MYO18B: variants seen among roughly 807,000 people sequenced by gnomAD.
MYO18B encodes the protein myosin XVIIIB, also known as unconventional myosin-XVIIIb.
MYO18B carries 204 observed loss-of-function variants against 273.0 expected under a neutral mutation model. The observed-to-expected ratio is 0.75, with a 90% CI of 0.67 to 0.84. The LOEUF (loss-of-function observed/expected upper bound fraction) is 0.84. MYO18B is among the 40% of genes least tolerant of loss of function. The pLI is 0.00. For synonymous variants in MYO18B, 1,330 were observed against 1,305.7 expected (o/e 1.02, Z -0.40); for missense variants, 3,212 against 3,287.6 (o/e 0.98, Z 0.56).
intron 40 of MYO18B, among the ~76,000 whole-genome samples, chr22:26,002,925 A>G (rs1284948794): frequency 6.6e-6 from 1 of 152,236 alleles, no homozygotes; most frequent in African/African-American, 2.4e-5. Context: ...GCTTGTTAGC[A>G]ATAACAATGC....
rs1240009213 is a variant in MYO18B at position 25,869,468 on chromosome 22, AAAAAAG to A, written c.3951+1086_3951+1091del. ...GTGTCTCAAAAAAAAAAAAAAAAAA[AAAAAAG>A]AAGGAAGGAAGGAAGGAAGGAGGGA... is the stretch of plus-strand genomic sequence containing the variant. On this transcript the variant is annotated intron_variant, in intron 22 of 43. Coordinates refer to ENST00000335473, the MANE Select transcript of MYO18B (RefSeq NM_032608.7). Among the ~76,000 whole-genome samples the A allele has an allele frequency of 6.4e-3, 946 of 148,292 alleles. 8 individuals carry two copies. Among genetic ancestry groups the A allele is most frequent in the African/African-American group, 0.022 (862 of 39,180 alleles).
chr22:25,982,031 G>A (rs1479439164), intron 39 of MYO18B, among the ~76,000 whole-genome samples: 1 of 152,170 alleles, frequency 6.6e-6, no homozygotes, highest in African/African-American at 2.4e-5. Flanking sequence ...GAAGCAGGCG[G>A]TCCCTACATG....
chr22:25,956,318 C>T (rs765233961), intron 39 of MYO18B, among the ~76,000 whole-genome samples: 1 of 151,484 alleles, frequency 6.6e-6, no homozygotes, highest in Non-Finnish European at 1.5e-5. Context: ...CAGGTTCAAG[C>T]GATTCTCGTG....
chr22:25,931,536 T>C (rs2092500805), intron 34 of MYO18B, among the ~76,000 whole-genome samples: 1 of 152,186 alleles, frequency 6.6e-6, no homozygotes, highest in Admixed American at 6.5e-5. Flanking sequence ...GCAGGAGCCT[T>C]TTCTGTTTTG....
chr22:25,922,835 T>C (rs1258118708), intron 34 of MYO18B, among the ~76,000 whole-genome samples: 1 of 152,232 alleles, frequency 6.6e-6, no homozygotes. Context: ...TCAGTTTCTA[T>C]CTGTAAAACA....
the MYO18B span, among the ~76,000 whole-genome samples, chr22:26,061,291 A>T: frequency 6.6e-6 from 1 of 152,120 alleles, no homozygotes; most frequent in Non-Finnish European, 1.5e-5. Context: ...TTTTAAATCC[A>T]TAGATTTGTT....
At chr22:25,913,986 G>T (rs1207290833) in intron 33 of MYO18B, among the ~76,000 whole-genome samples, 2 of 152,138 alleles carry the variant, frequency 1.3e-5, no homozygotes, top group East Asian at 1.9e-4. Context: ...ACATTTTTAG[G>T]TCTCTAATCC....
At chr22:25,901,484 A>G (rs946838292) in intron 29 of MYO18B, 5 of 152,228 alleles carry the variant, frequency 3.3e-5, no homozygotes, top group African/African-American at 1.2e-4. Flanking sequence ...ACAGAAGGGC[A>G]GGAGGGCCCC....
chr22:25,745,472 G>GACACACACACACACACAC (rs3068433), intron 1 of MYO18B, among the ~76,000 whole-genome samples: 6 of 146,026 alleles, frequency 4.1e-5, no homozygotes, highest in South Asian at 2.2e-4. Context: ...CTCTCTCTCT[G>GACACACACACACACACAC]ACACACACAC....
intron 11 of MYO18B, among the ~76,000 whole-genome samples, chr22:25,787,831 C>G (rs2087468396): frequency 6.6e-6 from 1 of 152,114 alleles, no homozygotes; most frequent in African/African-American, 2.4e-5. Flanking sequence ...GCCCAGACCT[C>G]CACCTTGAAG....
intron 22 of MYO18B, 46 bp from the exon 23 acceptor site, chr22:25,874,240 A>C (rs1313852522): frequency 3.1e-6 from 5 of 1,595,834 alleles, no homozygotes; most frequent in Non-Finnish European, 3.4e-6. Context: ...CATTGTAGAC[A>C]GCCTTCTTCA....
At position 25,806,902 on chromosome 22, in the gene MYO18B, G is replaced by C. The variant is rs546655372; in HGVS notation, c.2521+8805G>C. Reference sequence around the variant, plus strand: ...GTGTCAGTGACTTTTCATCTCGTTGGACCTCAGTTTTCTTGTCTGATAATA... The same window carrying C: ...GTGTCAGTGACTTTTCATCTCGTTGCACCTCAGTTTTCTTGTCTGATAATA... On this transcript the variant is annotated intron_variant, in intron 12 of 43. Coordinates refer to ENST00000335473, the MANE Select transcript of MYO18B (RefSeq NM_032608.7). Among the ~76,000 whole-genome samples, 5 of 152,282 alleles carry C rather than the reference G, an allele frequency of 3.3e-5. No homozygotes were observed. In the South Asian group the frequency reaches 1.0e-3, roughly 32 times the overall value.
chr22:25,904,374 A>G (rs149786898), intron 31 of MYO18B, among the ~76,000 whole-genome samples: 49 of 152,258 alleles, frequency 3.2e-4, no homozygotes, highest in African/African-American at 1.2e-3. Context: ...CACACATCTC[A>G]CGAATCTCCA....
chr22:25,769,291 C>G lies in MYO18B; in HGVS notation c.1375C>G (p.Leu459Val), dbSNP rs961599256. 14 of 1,583,016 alleles carry G rather than the reference C, an allele frequency of 8.8e-6. No individual in the cohort carries two copies. The highest frequency in any genetic ancestry group is 1.2e-5 in the Non-Finnish European group (14 of 1,165,176). ...CSRAGDGAGA[L>V]ETELEGPSQP... ...AAGAGCAGGTGATGGGGCTGGTGCC[C>G]TGGAGACAGAGCTGGAAGGACCCAG... The change falls in exon 4 of 44, where the codon CTG becomes GTG. Residue 459 changes from leucine to valine, a missense_variant. Coordinates refer to ENST00000335473, the MANE Select transcript of MYO18B (RefSeq NM_032608.7).
chr22:25,955,589 C>A (rs1012712157), intron 39 of MYO18B, among the ~76,000 whole-genome samples: 2 of 152,182 alleles, frequency 1.3e-5, no homozygotes, highest in East Asian at 3.9e-4. Context: ...ACATTCACTG[C>A]TGCCGGATGG....
In MYO18B at chr22:25,865,548, A is replaced by G. The variant is rs190116177; in HGVS notation, c.3886-2772A>G. ...TCCTAACATTTATTGAGTGCTTACT[A>G]TATGCCAGGTGCTATGTAGCCCTGC... On this transcript the variant is annotated intron_variant, in intron 21 of 43. Coordinates refer to ENST00000335473, the MANE Select transcript of MYO18B (RefSeq NM_032608.7). 2.2e-4 allele frequency among the ~76,000 whole-genome samples: 33 copies of G among 152,330 alleles called. No individual in the cohort carries two copies. In the East Asian group the frequency reaches 5.6e-3, roughly 26 times the overall value.
chr22:25,814,621 T>A (rs1258896474), intron 12 of MYO18B, among the ~76,000 whole-genome samples: 1 of 152,118 alleles, frequency 6.6e-6, no homozygotes, highest in Non-Finnish European at 1.5e-5. Flanking sequence ...GATTACCAGA[T>A]ACCCTATTCA....
At chr22:25,948,380 C>A in intron 36 of MYO18B, among the ~76,000 whole-genome samples, 1 of 152,174 alleles carries the variant, frequency 6.6e-6, no homozygotes, top group Non-Finnish European at 1.5e-5. Context: ...ACCTATCCAA[C>A]CATCATTTTC....
In MYO18B at chr22:25,772,435, G is replaced by T. The variant is rs761481895; in HGVS notation, c.1794G>T (p.Gln598His). Residue 598 changes from glutamine to histidine, a missense_variant, in exon 7 of 44, where the codon CAG (glutamine) becomes CAT (histidine). By Grantham distance (24) the Gln-to-His change is conservative. Transcript: ENST00000335473. ...CGCTTCTGCAGCGCTACAAAGCTCA[G>T]CTGCTGCACACCTGCACAGGGCCTG... ...LNTLLQRYKA[Q>H]LLHTCTGPDL... The T allele has an allele frequency of 4.3e-6, 7 of 1,614,036 alleles. No homozygotes were observed. The South Asian group carries it at 6.6e-5, about 15-fold the overall frequency.
Sources: gnomAD v4.1 joint callset for allele counts (sites outside exome capture counted in the v4.1 genomes callset) on GRCh38, gnomAD v4.1.1 for gene constraint, MANE v1.5 for transcripts, NCBI Gene and HGNC (gene_info 2026-07-23, HGNC 2026-07-21) for gene names.